MORC2: variants seen among roughly 807,000 people sequenced by gnomAD.
MORC2 encodes the protein ATPase MORC2.
A neutral mutation model predicts 136.0 loss-of-function variants in MORC2; 30 were observed. The observed-to-expected ratio is 0.22, with a 90% CI of 0.17 to 0.30. MORC2 has a LOEUF of 0.30. Ranked by LOEUF, MORC2 falls within the 10% of genes least tolerant of loss-of-function variation. The pLI is 1.00. For missense variants in MORC2, 922 were observed against 1,333.1 expected (o/e 0.69, Z 4.80); for synonymous variants, 439 against 487.0 (o/e 0.90, Z 1.30).
At chr22:30,959,485 T>A in intron 1 of MORC2, among the ~76,000 whole-genome samples, 1 of 152,266 alleles carries the variant, frequency 6.6e-6, no homozygotes, top group East Asian at 1.9e-4. Context: ...ATGAGTTTCC[T>A]TTCTTCACTG....
At position 30,934,904 on chromosome 22, in the gene MORC2, A is replaced by G. The variant is rs764670619; in HGVS notation, c.2070T>C (p.Pro690=). 6.2e-7 allele frequency: 1 copy of G among 1,614,020 alleles called. No homozygotes were observed. Among genetic ancestry groups the G allele is most frequent in the African/African-American group, 1.3e-5 (1 of 74,912 alleles). Residue 690 remains proline, a synonymous_variant, in exon 19 of 26, where the codon CCT becomes CCC. Transcript: ENST00000397641. This position sits in a 1 kb window ranked among gnomAD's most constrained non-coding sequence, Gnocchi z 4.4. Reference sequence around the variant, plus strand: ...AAGATGGTGACAGTTGCTGCACCAGAGGGGCAGGTCGGGATGCAGTCTTGA... The same window carrying G: ...AAGATGGTGACAGTTGCTGCACCAGGGGGGCAGGTCGGGATGCAGTCTTGA... ...TLVKTASRPA[P]LVQQLSPSLL... is the part of the protein sequence containing the mutation.
In MORC2 at chr22:30,968,700, C is replaced by T. The variant is rs993703674; in HGVS notation, c.-811G>A. Among the ~76,000 whole-genome samples the T allele has an allele frequency of 1.3e-5, 2 of 152,156 alleles. No homozygotes were observed. The highest frequency in any genetic ancestry group is 2.9e-5 in the Non-Finnish European group (2 of 68,020). On this transcript the variant is annotated 5_prime_UTR_variant, in exon 1 of 26. Coordinates refer to ENST00000397641, the MANE Select transcript of MORC2 (RefSeq NM_001303256.3). ...CGCCTCCCCACGAAGAGGAGCTACT[C>T]CCGGCTTCCAAGGACCGGATCGAGG... is the stretch of plus-strand genomic sequence containing the variant.
At position 30,946,434 on chromosome 22, in the gene MORC2, A is replaced by G. The variant is rs371717353; in HGVS notation, c.333T>C (p.Ile111=). 4 of 1,610,336 alleles carry G rather than the reference A, an allele frequency of 2.5e-6. No individual in the cohort carries two copies. The African/African-American group carries it at 4.0e-5, about 16-fold the overall frequency. Residue 111 remains isoleucine, a synonymous_variant, in exon 6 of 26, where the codon ATT becomes ATC. Transcript: ENST00000397641. The part of the protein sequence containing the change: ...GNGLKSGSMR[I]GKDFILFTKK... ...TGGTGAACAGGATAAAATCCTTCCCAATGCGCATTGAGCCCCTGAAAAGGA... is the reference window on the plus strand; with the variant it reads ...TGGTGAACAGGATAAAATCCTTCCCGATGCGCATTGAGCCCCTGAAAAGGA...
chr22:30,938,552 C>T (rs2040692218), intron 12 of MORC2, among the ~76,000 whole-genome samples: 2 of 152,128 alleles, frequency 1.3e-5, no homozygotes, highest in African/African-American at 2.4e-5. Context: ...CCCAAAATTC[C>T]ACTAGTATGA....
intron 20 of MORC2, 97 bp from the exon 21 acceptor site, chr22:30,933,617 C>T (rs1047232050): frequency 1.7e-5 from 20 of 1,209,854 alleles, no homozygotes; most frequent in African/African-American, 5.9e-5. Context: ...ATCATCTTCA[C>T]GACTTCCTGT....
At chr22:30,950,139 G>A (rs1453102597) in intron 4 of MORC2, among the ~76,000 whole-genome samples, 1 of 152,140 alleles carries the variant, frequency 6.6e-6, no homozygotes, top group African/African-American at 2.4e-5. Flanking sequence ...CCAAGAGACA[G>A]GTAATCTGAT....
Position 30,932,545 on chromosome 22 carries a change from C to A in MORC2, c.2747G>T (p.Arg916Leu). The A allele has an allele frequency of 6.2e-7, 1 of 1,614,024 alleles. No homozygotes were observed. ...GTGGGAAGACAAAAGACACATGTACCGGAGGATCTGGACAAGCAGGTCGAT... is the reference window on the plus strand; with the variant it reads ...GTGGGAAGACAAAAGACACATGTACAGGAGGATCTGGACAAGCAGGTCGAT... ...ETIDLLVQIL[R>L]NCLRYFLPPS... The change falls in exon 23 of 26, where the codon CGG becomes CTG. Residue 916 changes from arginine (R) to leucine (L), a missense_variant and splice_region_variant. Around this residue, in one of 9 missense-constraint regions of MORC2, gnomAD observed 263 missense variants for 388.3 expected, o/e 0.68. Transcript: ENST00000397641. The surrounding 1 kb of genome is among the most constrained non-coding windows in gnomAD (Gnocchi z 4.4).
At chr22:30,944,981 CCACA>C (rs1394396115) in intron 6 of MORC2, among the ~76,000 whole-genome samples, 1 of 152,150 alleles carries the variant, frequency 6.6e-6, no homozygotes, top group Non-Finnish European at 1.5e-5. Context: ...TAATAAAGCC[CCACA>C]CATTCATCAA....
At position 30,928,216 on chromosome 22, in the gene MORC2, A is replaced by G; in HGVS notation, c.2842-9T>C. ...TGCTTGAAGTACTCCTTCTGTTGGG[A>G]GCAGAGCAAGAGGGAGAGTGTGTAA... On this transcript the variant is annotated splice_polypyrimidine_tract_variant and intron_variant, in intron 24 of 25. Coordinates refer to ENST00000397641, the MANE Select transcript of MORC2 (RefSeq NM_001303256.3). 1 of 1,613,910 alleles carries G rather than the reference A, an allele frequency of 6.2e-7. No homozygotes were observed. Among genetic ancestry groups the G allele is most frequent in the Non-Finnish European group, 8.5e-7 (1 of 1,179,948 alleles).
At chr22:30,936,723 C>T (rs757529786) in intron 16 of MORC2, 80 bp from the exon 17 acceptor site, 754 of 1,545,742 alleles carry the variant, frequency 4.9e-4, no homozygotes, top group Non-Finnish European at 6.0e-4. Flanking sequence ...AGCCAGTCTA[C>T]ACTGTCTGTC....
chr22:30,935,444 T>TA (rs2040639652), intron 17 of MORC2, 122 bp from the exon 18 acceptor site: 2 of 905,004 alleles, frequency 2.2e-6, no homozygotes, highest in Admixed American at 4.6e-5. Context: ...GTCCTACTCT[T>TA]ACAAACCTCC....
At chr22:30,966,729 G>A (rs1365256654) in intron 1 of MORC2, among the ~76,000 whole-genome samples, 1 of 152,128 alleles carries the variant, frequency 6.6e-6, no homozygotes, top group African/African-American at 2.4e-5. Context: ...AGTGAGCCAA[G>A]ATTGCGCCAC....
intron 1 of MORC2, among the ~76,000 whole-genome samples, chr22:30,961,705 G>A (rs2041048418): frequency 6.6e-6 from 1 of 152,144 alleles, no homozygotes; most frequent in Admixed American, 6.5e-5. Flanking sequence ...TCCAGTCTTT[G>A]GTAGTGAGAA....
chr22:30,940,737 C>T, intron 10 of MORC2, 21 bp downstream of exon 10: 1 of 1,611,414 alleles, frequency 6.2e-7, no homozygotes, highest in South Asian at 1.1e-5. Context: ...CCCCCAACTC[C>T]TGCACCCAGA....
intron 1 of MORC2, among the ~76,000 whole-genome samples, chr22:30,964,389 C>A (rs1229448604): frequency 6.6e-6 from 1 of 151,914 alleles, no homozygotes; most frequent in Non-Finnish European, 1.5e-5. Context: ...AAACAAAAAA[C>A]CCAGAAATAT....
At chr22:30,945,600 A>G (rs1221413575) in intron 6 of MORC2, among the ~76,000 whole-genome samples, 1 of 152,198 alleles carries the variant, frequency 6.6e-6, no homozygotes, top group African/African-American at 2.4e-5. Context: ...ATCTCCCACA[A>G]TGAGGGGGCA....
At chr22:30,961,755 C>A (rs758515991) in intron 1 of MORC2, among the ~76,000 whole-genome samples, 3 of 152,116 alleles carry the variant, frequency 2.0e-5, no homozygotes, top group Admixed American at 6.5e-5. Flanking sequence ...TTTTGACACC[C>A]TCTGCCATTA....
intron 1 of MORC2, among the ~76,000 whole-genome samples, chr22:30,962,165 G>A (rs992093492): frequency 1.3e-5 from 2 of 150,612 alleles, no homozygotes; most frequent in South Asian, 2.1e-4. Flanking sequence ...TTGTGAGATC[G>A]CGCCACTGTA....
chr22:30,959,475 A>G (rs886615388), intron 1 of MORC2, among the ~76,000 whole-genome samples: 2 of 152,252 alleles, frequency 1.3e-5, no homozygotes, highest in African/African-American at 4.8e-5. Context: ...ACAAAAGTGT[A>G]TGAGTTTCCT....
Sources: gnomAD v4.1 joint callset for allele counts (sites outside exome capture counted in the v4.1 genomes callset) on GRCh38, gnomAD v4.1.1 for gene constraint, gnomAD v4.1.1 regional missense constraint, Gnocchi (gnomAD v3.1) non-coding constraint, MANE v1.5 for transcripts, NCBI Gene and HGNC (gene_info 2026-07-23, HGNC 2026-07-21) for gene names.